Variants in PCDHGB4 observed in about 807,000 individuals in gnomAD.
PCDHGB4 encodes protocadherin gamma subfamily B, 4, also known as protocadherin gamma-B4.
Under a neutral mutation model 60.5 loss-of-function variants are expected in PCDHGB4, and 38 were observed. The ratio of observed to expected loss-of-function variants is 0.63; its 90% CI spans 0.48 to 0.82. The LOEUF (loss-of-function observed/expected upper bound fraction) is 0.82. Among genes scored for constraint, PCDHGB4 ranks in the 40% least tolerant of loss-of-function variants. The pLI, the probability that PCDHGB4 is intolerant of heterozygous loss-of-function variation, is 0.00. For missense variants in PCDHGB4, 1,109 were observed against 1,209.6 expected (o/e 0.92, Z 1.23); for synonymous variants, 456 against 509.7 (o/e 0.89, Z 1.42).
intron 1 of PCDHGB4, among the ~76,000 whole-genome samples, chr5:141,438,921 C>T (rs1204218608): frequency 6.6e-6 from 1 of 151,970 alleles, no homozygotes; most frequent in Non-Finnish European, 1.5e-5. Context: ...CTGCCTTGGC[C>T]TCCCAAAGTG....
chr5:141,418,157 A>G, intron 1 of PCDHGB4: 1 of 1,614,074 alleles, frequency 6.2e-7, no homozygotes, highest in Non-Finnish European at 8.5e-7. Context: ...CAAAGAGAGA[A>G]GAAGATGTGA....
At chr5:141,418,755 G>A (rs1489556538) in intron 1 of PCDHGB4, 8 of 1,613,898 alleles carry the variant, frequency 5.0e-6, no homozygotes, top group South Asian at 1.1e-5. Context: ...TACACTACAG[G>A]AAACATTCTA....
chr5:141,464,524 T>C (rs2099086175), intron 1 of PCDHGB4, among the ~76,000 whole-genome samples: 1 of 152,094 alleles, frequency 6.6e-6, no homozygotes, highest in Non-Finnish European at 1.5e-5. Context: ...AAGGCATATG[T>C]AGTTTTGTTA....
In PCDHGB4 at chr5:141,487,160, G is replaced by A. The variant is rs1188929436; in HGVS notation, c.2398-7647G>A. 5.0e-6 allele frequency: 8 copies of A among 1,613,830 alleles called. No homozygotes were observed. The highest frequency in any genetic ancestry group is 5.1e-6 in the Non-Finnish European group (6 of 1,179,840). ...ACTCTCTACCTCTGTTACTCTCTTA[G>A]TGTCCTTAGAGGAAGACACTCATCC... On this transcript the variant is annotated intron_variant, in intron 1 of 3. Transcript: ENST00000519479. The surrounding 1 kb of genome is among the most constrained non-coding windows in gnomAD (Gnocchi z 5.0).
chr5:141,432,969 C>T lies in PCDHGB4; in HGVS notation c.2397+42688C>T, dbSNP rs754836894. On this transcript the variant is annotated intron_variant, in intron 1 of 3. Coordinates refer to ENST00000519479, the MANE Select transcript of PCDHGB4 (RefSeq NM_003736.4). The surrounding 1 kb of genome is among the most constrained non-coding windows in gnomAD (Gnocchi z 6.0). ...GGAGGCGGCTTGACAGGAGCGCCGG[C>T]GTCGCACTTTGTGGGCGTGGACGGG... The T allele has an allele frequency of 3.7e-6, 6 of 1,614,030 alleles. No individual in the cohort carries two copies. In the African/African-American group the frequency reaches 8.0e-5, roughly 22 times the overall value.
Position 141,490,711 on chromosome 5 carries a change from T to C in PCDHGB4, c.2398-4096T>C. ...CACTGGGGATAATGCCCGCCTCACC[T>C]ACTCCATTGTAGGAAATCAGGTTCA... On this transcript the variant is annotated intron_variant, in intron 1 of 3. Transcript: ENST00000519479. The surrounding 1 kb of genome is among the most constrained non-coding windows in gnomAD (Gnocchi z 5.4). The C allele has an allele frequency of 6.2e-7, 1 of 1,614,200 alleles. No individual in the cohort carries two copies. Among genetic ancestry groups the C allele is most frequent in the Non-Finnish European group, 8.5e-7 (1 of 1,180,002 alleles).
intron 1 of PCDHGB4, chr5:141,395,513 C>T: frequency 2.4e-6 from 1 of 420,938 alleles, no homozygotes; most frequent in South Asian, 3.5e-5. Context: ...GAAGTAGCTA[C>T]CCGTCCATAC....
At chr5:141,480,085 A>G (rs2099512286) in intron 1 of PCDHGB4, among the ~76,000 whole-genome samples, 1 of 152,216 alleles carries the variant, frequency 6.6e-6, no homozygotes, top group Admixed American at 6.5e-5. Context: ...TGCATGATAT[A>G]ATGTATGCAA....
intron 1 of PCDHGB4, chr5:141,400,068 GC>G (rs1160956861): frequency 6.2e-7 from 1 of 1,613,706 alleles, no homozygotes; most frequent in African/African-American, 1.3e-5. Context: ...ATGGTGGACA[GC>G]CGCCACTCTC....
At chr5:141,463,176 C>T (rs989201395) in intron 1 of PCDHGB4, among the ~76,000 whole-genome samples, 2 of 152,100 alleles carry the variant, frequency 1.3e-5, no homozygotes, top group African/African-American at 4.8e-5. Context: ...TATGTATGCT[C>T]AGATTATTAT....
intron 1 of PCDHGB4, chr5:141,422,204 GAGGTCTCTTTACCA>G: frequency 6.4e-7 from 1 of 1,562,138 alleles, no homozygotes. Flanking sequence ...CAAGATGGTG[GAGGTCTCTTTACCA>G]CCACGACGAT....
At chr5:141,427,480 A>G in intron 1 of PCDHGB4, 1 of 531,758 alleles carries the variant, frequency 1.9e-6, no homozygotes, top group South Asian at 1.5e-5. Context: ...GCCAATAATG[A>G]CTATAAGCTT....
At chr5:141,495,123 T>C (rs2099759225) in intron 2 of PCDHGB4, among the ~76,000 whole-genome samples, 1 of 152,162 alleles carries the variant, frequency 6.6e-6, no homozygotes, top group African/African-American at 2.4e-5. Flanking sequence ...TCCTATCCCC[T>C]GAGGGCACTG....
intron 1 of PCDHGB4, among the ~76,000 whole-genome samples, chr5:141,473,313 T>C (rs1173941642): frequency 2.7e-4 from 41 of 152,246 alleles, no homozygotes; most frequent in Non-Finnish European, 5.9e-5. Context: ...GCTATATTAA[T>C]AAGCATTAAG....
At chr5:141,400,760 C>G (rs1296918626) in intron 1 of PCDHGB4, 2 of 582,290 alleles carry the variant, frequency 3.4e-6, no homozygotes, top group Non-Finnish European at 6.0e-6. Context: ...TCCTCTCTAG[C>G]AAAAACATTT....
intron 1 of PCDHGB4, among the ~76,000 whole-genome samples, chr5:141,445,417 A>C (rs1483224509): frequency 6.6e-6 from 1 of 152,208 alleles, no homozygotes; most frequent in Non-Finnish European, 1.5e-5. Context: ...ACTGTCTGCT[A>C]TATGCAAGGC....
rs754294132 is a variant in PCDHGB4, at chr5:141,389,121, A to G, written c.1237A>G (p.Asn413Asp). ...AGATGCTGTTCTAGACCGCGAGCAG[A>G]ATCCAGAGTACAATATAACCGTTAC... is the stretch of plus-strand genomic sequence containing the variant. The part of the protein sequence containing the change: ...VTDAVLDREQ[N>D]PEYNITVTAT... The change falls in exon 1 of 4, where the codon AAT becomes GAT. Residue 413 changes from asparagine (N) to aspartate (D), a missense_variant. Physicochemically the swap from Asn to Asp is conservative, Grantham distance 23 (BLOSUM62 1). Coordinates refer to ENST00000519479, the MANE Select transcript of PCDHGB4 (RefSeq NM_003736.4). The G allele has an allele frequency of 1.1e-5, 17 of 1,613,910 alleles. No individual in the cohort carries two copies. In the Admixed American group the frequency reaches 2.8e-4, roughly 27 times the overall value.
intron 1 of PCDHGB4, chr5:141,403,929 G>T: frequency 6.2e-7 from 1 of 1,613,854 alleles, no homozygotes; most frequent in Non-Finnish European, 8.5e-7. Flanking sequence ...GATGGTGGGG[G>T]ATTGAAAGGG....
intron 1 of PCDHGB4, among the ~76,000 whole-genome samples, chr5:141,458,829 C>T (rs2098954599): frequency 6.6e-6 from 1 of 152,108 alleles, no homozygotes; most frequent in Non-Finnish European, 1.5e-5. Context: ...GCCTCCCAGG[C>T]TCAAGTGATC....
Sources: allele counts gnomAD v4.1 joint callset (sites outside exome capture counted in the v4.1 genomes callset), GRCh38; gene constraint gnomAD v4.1.1; non-coding constraint Gnocchi (gnomAD v3.1); transcripts MANE v1.5; gene names NCBI Gene and HGNC (gene_info 2026-07-23, HGNC 2026-07-21).